The following FARS2 variants were observed in gnomAD, a reference collection of about 807,000 sequenced individuals.
The protein encoded by FARS2 is phenylalanine--tRNA ligase, mitochondrial.
In FARS2, 40 loss-of-function variants were observed where a neutral mutation model predicts 46.4. The observed-to-expected ratio is 0.86, with a 90% confidence interval of 0.67 to 1.12. The LOEUF (loss-of-function observed/expected upper bound fraction) is 1.12, where lower values mean the gene tolerates loss of function less well. Ranked by LOEUF, FARS2 falls within the 50% of genes most tolerant of loss-of-function variation. The pLI is 0.00. For synonymous variants in FARS2, 234 were observed against 214.9 expected (o/e 1.09, Z -0.78); for missense variants, 513 against 567.9 (o/e 0.90, Z 0.98).
At chr6:5,469,300 A>T (rs573098646) in intron 4 of FARS2, among the ~76,000 whole-genome samples, 200 of 151,950 alleles carry the variant, frequency 1.3e-3, no homozygotes, top group African/African-American at 4.4e-3. Flanking sequence ...CCTTGACCCC[A>T]CTCGGTTCTC....
chr6:5,297,043 G>A (rs1210045090), intron 1 of FARS2, among the ~76,000 whole-genome samples: 3 of 152,216 alleles, frequency 2.0e-5, no homozygotes, highest in Non-Finnish European at 4.4e-5. Context: ...CCCACCAGCA[G>A]AGCACAGGGG....
chr6:5,570,285 G>A (rs189035157), intron 5 of FARS2, among the ~76,000 whole-genome samples: 1 of 152,314 alleles, frequency 6.6e-6, no homozygotes, highest in East Asian at 1.9e-4. Flanking sequence ...TGGTGGATAT[G>A]TGAGGAAATG....
chr6:5,632,544 TCTTC>T (rs953793693), intron 6 of FARS2, among the ~76,000 whole-genome samples: 2 of 148,106 alleles, frequency 1.4e-5, no homozygotes, highest in African/African-American at 5.0e-5. Flanking sequence ...GCCCACCCAC[TCTTC>T]CTTCCTTCCC....
intron 1 of FARS2, among the ~76,000 whole-genome samples, chr6:5,314,265 G>C (rs1384647657): frequency 6.6e-6 from 1 of 152,156 alleles, no homozygotes; most frequent in African/African-American, 2.4e-5. Context: ...GAAAGAGGCA[G>C]ATGGATACCT....
At chr6:5,258,906 C>T (rs139206359), upstream of FARS2, among the ~76,000 whole-genome samples, 473 of 152,240 alleles carry the variant, frequency 3.1e-3, 5 homozygotes, top group Non-Finnish European at 1.8e-3. Context: ...TGTTGAGTTT[C>T]GTGAATGATT....
chr6:5,318,898 G>A (rs573100013), intron 1 of FARS2, among the ~76,000 whole-genome samples: 3 of 152,276 alleles, frequency 2.0e-5, no homozygotes, highest in African/African-American at 7.2e-5. Flanking sequence ...AAAGGAAGTA[G>A]CCCCTGATAT....
intron 2 of FARS2, among the ~76,000 whole-genome samples, chr6:5,372,675 G>A (rs1364720584): frequency 6.6e-6 from 1 of 152,050 alleles, no homozygotes; most frequent in African/African-American, 2.4e-5. Context: ...ACTTATCACT[G>A]ACCAGCAATG....
intron 1 of FARS2, among the ~76,000 whole-genome samples, chr6:5,267,435 CTT>C (rs1158472689): frequency 6.6e-5 from 10 of 152,060 alleles, no homozygotes; most frequent in Non-Finnish European, 1.5e-4. Context: ...TGTTTTCTCT[CTT>C]CTAGGAGCTT....
intron 1 of FARS2, among the ~76,000 whole-genome samples, chr6:5,357,227 G>T (rs1419854310): frequency 2.6e-5 from 4 of 152,080 alleles, no homozygotes; most frequent in Non-Finnish European, 5.9e-5. Context: ...ATGGAGCTTT[G>T]GAAATATCAC....
chr6:5,320,429 G>A (rs1372050426), intron 1 of FARS2, among the ~76,000 whole-genome samples: 1 of 152,210 alleles, frequency 6.6e-6, no homozygotes, highest in African/African-American at 2.4e-5. Context: ...TTCTGTGCTG[G>A]GGACCAAACC....
intron 4 of FARS2, among the ~76,000 whole-genome samples, chr6:5,536,651 A>G (rs116502996): frequency 1.7e-3 from 256 of 152,330 alleles, no homozygotes; most frequent in Middle Eastern, 3.4e-3. Flanking sequence ...GACCTGACCA[A>G]TGTAGCCTGG....
At chr6:5,354,405 G>A (rs561180209) in intron 1 of FARS2, among the ~76,000 whole-genome samples, 2 of 152,048 alleles carry the variant, frequency 1.3e-5, no homozygotes, top group East Asian at 3.9e-4. Flanking sequence ...TGCACAGAAT[G>A]CAGATTTTCT....
intron 1 of FARS2, among the ~76,000 whole-genome samples, chr6:5,262,090 C>T (rs144234626): frequency 6.6e-6 from 1 of 152,194 alleles, no homozygotes. Flanking sequence ...GGAAGAACCA[C>T]ACCTTTCTGC....
At chr6:5,357,964 A>C (rs558540670) in intron 1 of FARS2, among the ~76,000 whole-genome samples, 53 of 152,336 alleles carry the variant, frequency 3.5e-4, no homozygotes, top group African/African-American at 1.3e-3. Flanking sequence ...CTACTTACTA[A>C]TTGTGAGTGT....
chr6:5,482,731 C>T (rs1019196011), intron 4 of FARS2, among the ~76,000 whole-genome samples: 2 of 152,112 alleles, frequency 1.3e-5, no homozygotes, highest in Admixed American at 6.5e-5. Flanking sequence ...GCTCAGTTGA[C>T]GTGGGGCTGG....
chr6:5,325,597 G>A (rs1339175756), intron 1 of FARS2, among the ~76,000 whole-genome samples: 1 of 152,224 alleles, frequency 6.6e-6, no homozygotes, highest in Non-Finnish European at 1.5e-5. Context: ...TGAAGCAGCA[G>A]GCTCCTAAAC....
At chr6:5,263,045 T>G (rs1056664784) in intron 1 of FARS2, among the ~76,000 whole-genome samples, 4 of 152,230 alleles carry the variant, frequency 2.6e-5, no homozygotes, top group Admixed American at 6.5e-5. Flanking sequence ...TTAATGCAAG[T>G]TACTGATAGA....
chr6:5,308,528 A>G (rs2127544161), intron 1 of FARS2, among the ~76,000 whole-genome samples: 2 of 152,366 alleles, frequency 1.3e-5, no homozygotes, highest in South Asian at 4.1e-4. Context: ...ATAGAATATA[A>G]GAAACACGGA....
chr6:5,403,945 AT>A (rs990900204), intron 2 of FARS2, among the ~76,000 whole-genome samples: 60 of 152,160 alleles, frequency 3.9e-4, no homozygotes, highest in African/African-American at 1.1e-3. Flanking sequence ...GATACTCTGT[AT>A]TTTTTATATA....
Sources: allele counts gnomAD v4.1 joint callset (sites outside exome capture counted in the v4.1 genomes callset), GRCh38; gene constraint gnomAD v4.1.1; transcripts MANE v1.5; gene names NCBI Gene and HGNC (gene_info 2026-07-23, HGNC 2026-07-21).